IFT74: variants seen among roughly 807,000 people sequenced by gnomAD.
The protein encoded by IFT74 is intraflagellar transport 74.
A neutral mutation model predicts 96.7 loss-of-function variants in IFT74; 92 were observed. That is an observed-to-expected ratio of 0.95 (90% CI 0.80 to 1.13). The LOEUF (loss-of-function observed/expected upper bound fraction) is 1.13. Among genes scored for constraint, IFT74 ranks in the 50% most tolerant of loss-of-function variants. IFT74 has a pLI of 0.00. For synonymous variants in IFT74, 223 were observed against 213.2 expected (o/e 1.05, Z -0.40); for missense variants, 811 against 698.2 (o/e 1.16, Z -1.82).
chr9:26,953,196 C>G (rs1825987048), upstream of IFT74, among the ~76,000 whole-genome samples: 1 of 152,012 alleles, frequency 6.6e-6, no homozygotes. Context: ...GTTTTTTTCC[C>G]CCTTCATCAA....
In IFT74 at chr9:26,999,829, T is replaced by G. The variant is rs1261355479; in HGVS notation, c.588-9191T>G. ...GTCTCACTCTGTCACACAGACCTGG[T>G]GGCATGGTCACAGCTCACTGCAGCC... is the stretch of plus-strand genomic sequence containing the variant. On this transcript the variant is annotated intron_variant, in intron 8 of 19. Coordinates refer to ENST00000380062, the MANE Select transcript of IFT74 (RefSeq NM_025103.4). 4 of 568,114 alleles carry G rather than the reference T, an allele frequency of 7.0e-6. No homozygotes were observed. In the Middle Eastern group the frequency reaches 1.6e-3, roughly 225 times the overall value. 35.2% of individuals were successfully genotyped at this position (568,114 alleles called of 1,614,324 possible).
intron 9 of IFT74, among the ~76,000 whole-genome samples, chr9:27,009,533 A>G (rs961896223): frequency 4.6e-5 from 7 of 152,176 alleles, no homozygotes; most frequent in African/African-American, 1.7e-4. Context: ...ACTTGTCTGT[A>G]AATTAAAAAG....
At chr9:27,054,153 C>T (rs963736059) in intron 16 of IFT74, among the ~76,000 whole-genome samples, 1 of 152,072 alleles carries the variant, frequency 6.6e-6, no homozygotes, top group African/African-American at 2.4e-5. Flanking sequence ...CAGTGACTTT[C>T]GAAGCATTGT....
intron 12 of IFT74, among the ~76,000 whole-genome samples, chr9:27,027,285 G>A (rs1445905659): frequency 6.6e-6 from 1 of 151,952 alleles, no homozygotes; most frequent in East Asian, 1.9e-4. Flanking sequence ...ACTCTGAACA[G>A]ACCATTAACG....
intron 6 of IFT74, among the ~76,000 whole-genome samples, chr9:26,985,999 T>C (rs1401517260): frequency 6.6e-6 from 1 of 152,202 alleles, no homozygotes; most frequent in African/African-American, 2.4e-5. Flanking sequence ...TGATAACTGC[T>C]CAGTCCTTGG....
At chr9:27,047,978 A>G (rs532214281) in intron 15 of IFT74, among the ~76,000 whole-genome samples, 170 bp from the exon 16 acceptor site, 7 of 152,194 alleles carry the variant, frequency 4.6e-5, no homozygotes, top group Non-Finnish European at 8.8e-5. Context: ...TTTATTGAGA[A>G]AACCCAATTT....
At chr9:26,956,328 G>A (rs1038351235), upstream of IFT74, 63 of 152,188 alleles carry the variant, frequency 4.1e-4, no homozygotes, top group African/African-American at 1.3e-3. Flanking sequence ...GTGTAACCAA[G>A]GGCTGAGGCG....
At position 26,950,050 on chromosome 9, in the gene IFT74, C is replaced by T. The variant is rs143927861; in HGVS notation, c.-20+2904C>T. ...TAATTAGGCTGGGTGAGGTGGCTCA[C>T]GCCTGTAATCCCAGCACTTTGGGAG... On this transcript the variant is annotated intron_variant, in intron 1 of 19. Transcript: ENST00000433700. 2.1e-3 allele frequency among the ~76,000 whole-genome samples: 323 copies of T among 152,292 alleles called. 1 individual carries two copies. Among genetic ancestry groups the T allele is most frequent in the African/African-American group, 7.6e-3 (315 of 41,558 alleles).
intron 19 of IFT74, among the ~76,000 whole-genome samples, chr9:27,061,403 G>T (rs1280380094): frequency 6.6e-6 from 1 of 152,112 alleles, no homozygotes; most frequent in Non-Finnish European, 1.5e-5. Flanking sequence ...CAGGGCTTGG[G>T]TAAAGTTAAA....
chr9:27,010,278 C>G (rs1247824768), intron 9 of IFT74, among the ~76,000 whole-genome samples: 1 of 151,194 alleles, frequency 6.6e-6, no homozygotes, highest in Non-Finnish European at 1.5e-5. Flanking sequence ...CATGAGCCAC[C>G]GCGCCCGGCC....
chr9:26,984,213 C>T (rs1334614513), intron 4 of IFT74, 44 bp from the exon 5 acceptor site: 2 of 1,468,700 alleles, frequency 1.4e-6, no homozygotes, highest in African/African-American at 2.9e-5. Flanking sequence ...CTAGAGTTTT[C>T]TGGATTAAAA....
upstream of IFT74, among the ~76,000 whole-genome samples, chr9:26,952,420 GCGTCTGTCACCATGCC>G (rs1179102720): frequency 2.6e-5 from 4 of 152,002 alleles, no homozygotes; most frequent in South Asian, 8.3e-4. Flanking sequence ...GGGATTACAG[GCGTCTGTCACCATGCC>G]CGGCTAATTT....
chr9:26,983,500 G>A (rs1476287168), intron 4 of IFT74, among the ~76,000 whole-genome samples: 1 of 152,138 alleles, frequency 6.6e-6, no homozygotes, highest in Non-Finnish European at 1.5e-5. Context: ...CTCAGATCCA[G>A]GATGCTGGTA....
At chr9:26,979,387 A>G (rs1192357206) in intron 3 of IFT74, among the ~76,000 whole-genome samples, 2 of 152,192 alleles carry the variant, frequency 1.3e-5, no homozygotes, top group Non-Finnish European at 2.9e-5. Flanking sequence ...TTAAAATTCT[A>G]TAGTAAATTT....
At chr9:27,015,936 A>G (rs1383642730) in intron 10 of IFT74, among the ~76,000 whole-genome samples, 2 of 151,778 alleles carry the variant, frequency 1.3e-5, no homozygotes, top group South Asian at 2.1e-4. Context: ...CACCATTCCT[A>G]CCTTTTTTTT....
At chr9:27,062,221 G>T (rs1011612519) in intron 19 of IFT74, among the ~76,000 whole-genome samples, 67 of 152,194 alleles carry the variant, frequency 4.4e-4, no homozygotes, top group African/African-American at 1.4e-3. Flanking sequence ...CATAAAGTAG[G>T]TGATTTTGGA....
At chr9:27,029,174 G>A in intron 13 of IFT74, 70 bp downstream of exon 13, 1 of 1,211,082 alleles carries the variant, frequency 8.3e-7, no homozygotes, top group Non-Finnish European at 1.2e-6. Flanking sequence ...GTTAACTGGT[G>A]TCTCAGAGAC....
chr9:26,958,755 T>C (rs558366379), intron 1 of IFT74, among the ~76,000 whole-genome samples: 1 of 152,264 alleles, frequency 6.6e-6, no homozygotes, highest in Non-Finnish European at 1.5e-5. Flanking sequence ...AGCTGAGTGC[T>C]AAAATAAGGA....
chr9:27,011,048 A>G (rs1829041396), intron 9 of IFT74, among the ~76,000 whole-genome samples: 1 of 152,146 alleles, frequency 6.6e-6, no homozygotes, highest in African/African-American at 2.4e-5. Context: ...AGCGTTGAAG[A>G]AAAAGTATGG....
Sources: allele counts gnomAD v4.1 joint callset (sites outside exome capture counted in the v4.1 genomes callset), GRCh38; gene constraint gnomAD v4.1.1; transcripts MANE v1.5; gene names NCBI Gene and HGNC (gene_info 2026-07-23, HGNC 2026-07-21).